Variants in PAX5 observed in about 807,000 individuals in gnomAD.
PAX5 encodes paired box 5, also known as paired box protein Pax-5.
PAX5 carries 9 observed loss-of-function variants against 43.7 expected under a neutral mutation model. The observed-to-expected ratio is 0.21, with a 90% CI of 0.12 to 0.36. PAX5 has a LOEUF of 0.36. PAX5 is among the 10% of genes least tolerant of loss of function. The pLI, the probability that PAX5 is intolerant of heterozygous loss-of-function variation, is 1.00. For synonymous variants in PAX5, 228 were observed against 214.3 expected (o/e 1.06, Z -0.56); for missense variants, 383 against 532.7 (o/e 0.72, Z 2.77).
At chr9:37,006,572 C>T (rs748339880) in intron 3 of PAX5, 35 bp from the exon 4 acceptor site, 1 of 1,573,094 alleles carries the variant, frequency 6.4e-7, no homozygotes, top group East Asian at 2.2e-5. Context: ...TGCTATTTAC[C>T]ATCAGGAAGG....
intron 7 of PAX5, among the ~76,000 whole-genome samples, chr9:36,914,656 C>T (rs935108544): frequency 6.6e-6 from 1 of 152,126 alleles, no homozygotes; most frequent in African/African-American, 2.4e-5. Context: ...AATGTAATTT[C>T]AGGAGAGTAA....
At chr9:36,963,525 C>T (rs528064743) in intron 6 of PAX5, among the ~76,000 whole-genome samples, 11 of 152,318 alleles carry the variant, frequency 7.2e-5, no homozygotes, top group South Asian at 6.2e-4. Context: ...GCTGCCCCTG[C>T]GAGACTGGAC....
intron 3 of PAX5, 109 bp downstream of exon 3, chr9:37,014,888 G>C: frequency 3.0e-6 from 3 of 990,348 alleles, no homozygotes; most frequent in Non-Finnish European, 3.1e-6. Context: ...ACCCCTAAGG[G>C]GCCTTGGTGA....
intron 8 of PAX5, among the ~76,000 whole-genome samples, chr9:36,879,948 C>T (rs559141331): frequency 6.6e-6 from 1 of 152,318 alleles, no homozygotes; most frequent in East Asian, 1.9e-4. Context: ...GTTTTGCAGG[C>T]AGGAACCTGG....
intron 5 of PAX5, among the ~76,000 whole-genome samples, chr9:36,976,607 G>A (rs1301145788): frequency 6.7e-6 from 1 of 149,422 alleles, no homozygotes; most frequent in South Asian, 2.2e-4. Context: ...CTAAACTGGG[G>A]CTGCAGACTA....
intron 9 of PAX5, among the ~76,000 whole-genome samples, chr9:36,844,493 T>G (rs566103775): frequency 6.6e-6 from 1 of 152,338 alleles, no homozygotes; most frequent in African/African-American, 2.4e-5. Flanking sequence ...AAAAGGGTTT[T>G]GGGTGCCTGG....
chr9:36,923,065 C>T (rs1446446168), intron 7 of PAX5: 4 of 365,968 alleles, frequency 1.1e-5, no homozygotes, highest in Admixed American at 4.2e-5. Context: ...TCAGCCCCAC[C>T]CACGGGGGCC....
chr9:36,904,227 C>T (rs1305457425), intron 7 of PAX5, among the ~76,000 whole-genome samples: 3 of 152,166 alleles, frequency 2.0e-5, no homozygotes, highest in African/African-American at 7.2e-5. Context: ...GGGACCCTAG[C>T]TTGGGCCTGC....
chr9:36,956,643 T>A (rs752310086), intron 6 of PAX5, among the ~76,000 whole-genome samples: 1 of 152,210 alleles, frequency 6.6e-6, no homozygotes, highest in Non-Finnish European at 1.5e-5. Flanking sequence ...GTCCTTGTGC[T>A]TGGTTCACAG....
intron 8 of PAX5, among the ~76,000 whole-genome samples, chr9:36,878,724 G>C (rs559600406): frequency 1.3e-5 from 2 of 152,336 alleles, no homozygotes; most frequent in East Asian, 3.9e-4. Flanking sequence ...AGTGCCGGGG[G>C]TAGTGTCTGC....
chr9:36,891,399 C>CGGTGCGTGTGTACACGTA (rs1563937318), intron 7 of PAX5, among the ~76,000 whole-genome samples: 4 of 152,218 alleles, frequency 2.6e-5, no homozygotes, highest in African/African-American at 9.7e-5. Flanking sequence ...ACGCACACGT[C>CGGTGCGTGTGTACACGTA]GGTGCGTGTG....
chr9:37,006,587 G>C (rs539265071), intron 3 of PAX5, 50 bp from the exon 4 acceptor site: 2 of 1,456,864 alleles, frequency 1.4e-6, no homozygotes, highest in African/African-American at 1.4e-5. Context: ...GGAAGGAGAA[G>C]AGACCTCAAC....
chr9:37,015,602 G>A lies in PAX5; in HGVS notation c.213-408C>T, dbSNP rs1839315207. On this transcript the variant is annotated intron_variant, in intron 2 of 9. Transcript: ENST00000358127. This position sits in a 1 kb window ranked among gnomAD's most constrained non-coding sequence, Gnocchi z 4.4. ...GTATTTCTTTTTTTTTTTTTCAGAC[G>A]GAGTTTCGCTCTTGTTGCCCAGGCT... Among the ~76,000 whole-genome samples the A allele has an allele frequency of 6.8e-6, 1 of 147,700 alleles. No homozygotes were observed. Among genetic ancestry groups the A allele is most frequent in the Non-Finnish European group, 1.5e-5 (1 of 67,354 alleles).
intron 5 of PAX5, among the ~76,000 whole-genome samples, chr9:36,967,624 T>TA (rs1409215559): frequency 2.6e-5 from 4 of 152,316 alleles, no homozygotes; most frequent in Admixed American, 6.5e-5. Context: ...ACCTTTTGTG[T>TA]AAAAAAGGAA....
chr9:36,885,962 C>T (rs2131787493), intron 7 of PAX5, among the ~76,000 whole-genome samples: 1 of 152,300 alleles, frequency 6.6e-6, no homozygotes, highest in Admixed American at 6.5e-5. Context: ...AATTTAGGTT[C>T]AGCCGTGTGC....
At chr9:37,014,947 G>T in intron 3 of PAX5, 50 bp downstream of exon 3, 1 of 1,536,142 alleles carries the variant, frequency 6.5e-7, no homozygotes, top group Non-Finnish European at 9.0e-7. Flanking sequence ...CCTCCAGGAT[G>T]CCCTGCCATC....
intron 8 of PAX5, among the ~76,000 whole-genome samples, chr9:36,868,398 G>A (rs7855999): frequency 0.015 from 2,280 of 152,356 alleles, 63 homozygotes; most frequent in African/African-American, 0.05. Flanking sequence ...GCCAGGAGAC[G>A]GGCGCACGGG....
chr9:36,878,694 C>G (rs943310246), intron 8 of PAX5, among the ~76,000 whole-genome samples: 3 of 152,142 alleles, frequency 2.0e-5, no homozygotes, highest in African/African-American at 7.2e-5. Flanking sequence ...AAAAGGTGGG[C>G]CCTCTCTGTT....
intron 9 of PAX5, among the ~76,000 whole-genome samples, chr9:36,846,377 A>G (rs188580401): frequency 4.3e-4 from 66 of 152,300 alleles, no homozygotes; most frequent in Non-Finnish European, 7.9e-4. Flanking sequence ...GGTGATGTCC[A>G]TGCAGACATC....
Sources: gnomAD v4.1 joint callset for allele counts (sites outside exome capture counted in the v4.1 genomes callset) on GRCh38, gnomAD v4.1.1 for gene constraint, Gnocchi (gnomAD v3.1) non-coding constraint, MANE v1.5 for transcripts, NCBI Gene and HGNC (gene_info 2026-07-23, HGNC 2026-07-21) for gene names.